FYN: variants seen among roughly 807,000 people sequenced by gnomAD.
FYN encodes the protein tyrosine-protein kinase Fyn.
In FYN, 10 loss-of-function variants were observed where a neutral mutation model predicts 70.2. The ratio of observed to expected loss-of-function variants is 0.14; its 90% CI spans 0.09 to 0.24. The LOEUF (loss-of-function observed/expected upper bound fraction) is 0.24, where lower values mean the gene tolerates loss of function less well. Ranked by LOEUF, FYN falls within the 10% of genes least tolerant of loss-of-function variation. The pLI, the probability that FYN is intolerant of heterozygous loss-of-function variation, is 1.00. For synonymous variants in FYN, 236 were observed against 248.6 expected, an observed-to-expected ratio of 0.95 and a Z score of 0.48; for missense variants, 319 against 673.1, an observed-to-expected ratio of 0.47 and a Z score of 5.82.
At chr6:111,704,483 G>C (rs1307192796) in intron 6 of FYN, among the ~76,000 whole-genome samples, 1 of 152,242 alleles carries the variant, frequency 6.6e-6, no homozygotes, top group East Asian at 1.9e-4. Flanking sequence ...TCTGGGCATG[G>C]TGGCTCATAC....
At chr6:111,766,150 C>G (rs992838546) in intron 3 of FYN, among the ~76,000 whole-genome samples, 1 of 152,224 alleles carries the variant, frequency 6.6e-6, no homozygotes, top group Non-Finnish European at 1.5e-5. Context: ...CACCACACTT[C>G]TTCTCTTTTA....
At chr6:111,679,668 T>C (rs1410200685) in intron 12 of FYN, among the ~76,000 whole-genome samples, 1 of 152,200 alleles carries the variant, frequency 6.6e-6, no homozygotes, top group African/African-American at 2.4e-5. Context: ...CCAGTGTCAC[T>C]GTCTGGATGT....
chr6:111,873,421 C>T lies in FYN; in HGVS notation c.-576G>A, dbSNP rs1200792273. On this transcript the variant is annotated 5_prime_UTR_variant, in exon 1 of 14. Transcript: ENST00000354650. ...CAACGACGCGCCGCCGCCACCAGCGCGGCTGCTCGCTGCTACTCTTGCTGA... is the reference window on the plus strand; with the variant it reads ...CAACGACGCGCCGCCGCCACCAGCGTGGCTGCTCGCTGCTACTCTTGCTGA... 6.6e-6 allele frequency: 1 copy of T among 151,922 alleles called. No individual in the cohort carries two copies. The highest frequency in any genetic ancestry group is 1.5e-5 in the Non-Finnish European group (1 of 67,964). 9.4% of individuals were successfully genotyped at this position (151,922 alleles called of 1,614,324 possible). A position where few individuals can be genotyped will look rare whatever the true frequency, so the allele number is the denominator to read the frequency against.
intron 1 of FYN, among the ~76,000 whole-genome samples, chr6:111,847,844 G>A (rs559673738): frequency 6.6e-6 from 1 of 152,212 alleles, no homozygotes; most frequent in Non-Finnish European, 1.5e-5. Context: ...GAACTCACTG[G>A]AGATGAGCAA....
intron 2 of FYN, among the ~76,000 whole-genome samples, chr6:111,781,878 C>A (rs907015930): frequency 1.3e-5 from 2 of 152,130 alleles, no homozygotes; most frequent in African/African-American, 4.8e-5. Context: ...GTCTAATATA[C>A]TGTAATTTTG....
intron 2 of FYN, among the ~76,000 whole-genome samples, chr6:111,846,126 T>C (rs1337316542): frequency 6.6e-6 from 1 of 152,106 alleles, no homozygotes; most frequent in Non-Finnish European, 1.5e-5. Flanking sequence ...TGCTACACAG[T>C]GGCTGCAATT....
intron 3 of FYN, among the ~76,000 whole-genome samples, chr6:111,724,290 T>C (rs944431325): frequency 6.6e-6 from 1 of 152,126 alleles, no homozygotes; most frequent in Non-Finnish European, 1.5e-5. Flanking sequence ...CTTCTCCACA[T>C]AGCCCTGTAG....
At chr6:111,857,199 T>A (rs1773844788) in intron 1 of FYN, among the ~76,000 whole-genome samples, 1 of 152,212 alleles carries the variant, frequency 6.6e-6, no homozygotes, top group South Asian at 2.1e-4. Flanking sequence ...CTATTCACCC[T>A]GTTACCTTTA....
chr6:111,753,072 A>G (rs114988976), intron 3 of FYN, among the ~76,000 whole-genome samples: 1,716 of 152,304 alleles, frequency 0.011, 24 homozygotes, highest in African/African-American at 0.037. Context: ...TGAAATCTCA[A>G]TATCAATTAG....
chr6:111,672,567 C>A (rs890211513), intron 13 of FYN, among the ~76,000 whole-genome samples: 1 of 152,108 alleles, frequency 6.6e-6, no homozygotes, highest in Non-Finnish European at 1.5e-5. Flanking sequence ...GGATGACTCC[C>A]TCTGATAATA....
chr6:111,873,436 A>C lies in FYN; in HGVS notation c.-591T>G, dbSNP rs1188401875. 1.3e-5 allele frequency: 2 copies of C among 150,508 alleles called. No individual in the cohort carries two copies. The highest frequency in any genetic ancestry group is 4.9e-5 in the African/African-American group (2 of 40,854). 9.3% of individuals were successfully genotyped at this position (150,508 alleles called of 1,614,324 possible). A position where few individuals can be genotyped will look rare whatever the true frequency, so the allele number is the denominator to read the frequency against. ...GCCACCAGCGCGGCTGCTCGCTGCT[A>C]CTCTTGCTGATGCTCTGCCCCTCCA... On this transcript the variant is annotated 5_prime_UTR_variant, in exon 1 of 14. Transcript: ENST00000354650.
intron 1 of FYN, among the ~76,000 whole-genome samples, chr6:111,858,711 G>GA (rs1258997396): frequency 4.6e-5 from 7 of 152,030 alleles, no homozygotes; most frequent in African/African-American, 1.7e-4. Context: ...TTCAATGGGG[G>GA]AGACTCCCAG....
chr6:111,854,416 A>T (rs1240971047), intron 1 of FYN, among the ~76,000 whole-genome samples: 2 of 152,224 alleles, frequency 1.3e-5, no homozygotes, highest in Admixed American at 6.5e-5. Context: ...CTTGATTGGC[A>T]GTAGGAAAAG....
intron 10 of FYN, among the ~76,000 whole-genome samples, chr6:111,695,577 A>G (rs188622608): frequency 6.6e-6 from 1 of 152,108 alleles, no homozygotes; most frequent in Non-Finnish European, 1.5e-5. Context: ...CGTTTGCCAG[A>G]AAAAAAAATT....
In FYN at chr6:111,806,991, C is replaced by T. The variant is rs1477680013; in HGVS notation, c.-81-26356G>A. On this transcript the variant is annotated intron_variant, in intron 2 of 13. Transcript: ENST00000354650. ...ACCCCAGCGCTGATTGTCCTCCACA[C>T]GCTATTTGTTTCATTCAGAGTGCTG... Among the ~76,000 whole-genome samples the T allele has an allele frequency of 3.3e-5, 5 of 152,218 alleles. No homozygotes were observed. In the South Asian group the frequency reaches 6.2e-4, roughly 19 times the overall value.
rs3730352 is a variant in FYN at position 111,694,367 on chromosome 6, G to A, written c.1273+8C>T. 11,530 of 1,613,986 alleles carry A rather than the reference G, an allele frequency of 7.1e-3. 47 individuals carry two copies. Among genetic ancestry groups the A allele is most frequent in the Non-Finnish European group, 8.5e-3 (10,082 of 1,179,854 alleles). ...GTGATCACGAGCCATTGTCATTCAA[G>A]TGCCCACCTTGTCTTGCTGTGTACT... On this transcript the variant is annotated splice_region_variant and intron_variant, in intron 12 of 13. Transcript: ENST00000354650. The surrounding 1 kb of genome is among the most constrained non-coding windows in gnomAD (Gnocchi z 5.0).
chr6:111,685,245 G>A (rs1333615692), intron 12 of FYN, among the ~76,000 whole-genome samples: 1 of 152,208 alleles, frequency 6.6e-6, no homozygotes, highest in African/African-American at 2.4e-5. Context: ...CCCCAGAAGG[G>A]GCAGAGGGCC....
chr6:111,719,084 A>G (rs1432541896), intron 4 of FYN, among the ~76,000 whole-genome samples: 1 of 152,224 alleles, frequency 6.6e-6, no homozygotes, highest in Non-Finnish European at 1.5e-5. Context: ...AAACTTTTGC[A>G]ATAAACAAAA....
At chr6:111,700,955 C>T (rs1799806987) in intron 8 of FYN, among the ~76,000 whole-genome samples, 1 of 151,104 alleles carries the variant, frequency 6.6e-6, no homozygotes, top group Non-Finnish European at 1.5e-5. Flanking sequence ...TCAGATACTC[C>T]TGGGCTGCTT....
Sources: gnomAD v4.1 joint callset for allele counts (sites outside exome capture counted in the v4.1 genomes callset) on GRCh38, gnomAD v4.1.1 for gene constraint, Gnocchi (gnomAD v3.1) non-coding constraint, MANE v1.5 for transcripts, NCBI Gene and HGNC (gene_info 2026-07-23, HGNC 2026-07-21) for gene names.